Variants in GABRB3 observed in about 807,000 individuals in gnomAD.
The protein encoded by GABRB3 is gamma-aminobutyric acid type A receptor subunit beta3, also known as gamma-aminobutyric acid receptor subunit beta-3.
In GABRB3, 14 loss-of-function variants were observed where a neutral mutation model predicts 52.1. The ratio of observed to expected loss-of-function variants is 0.27; its 90% CI spans 0.18 to 0.42. The LOEUF is 0.42. GABRB3 is among the 10% of genes least tolerant of loss of function. The pLI is 1.00. For synonymous variants in GABRB3, 260 were observed against 232.3 expected (o/e 1.12, Z -1.08); for missense variants, 307 against 609.1 (o/e 0.50, Z 5.22).
intron 4 of GABRB3, among the ~76,000 whole-genome samples, chr15:26,601,387 G>A (rs939113423): frequency 1.6e-4 from 25 of 151,684 alleles, no homozygotes; most frequent in African/African-American, 5.8e-4. Context: ...TCCAGCCTGG[G>A]CGACACAGCG....
chr15:26,550,746 C>CTT (rs1213022074), intron 8 of GABRB3, among the ~76,000 whole-genome samples: 1 of 152,188 alleles, frequency 6.6e-6, no homozygotes, highest in African/African-American at 2.4e-5. Flanking sequence ...ATTGCCAATA[C>CTT]TTTAATTTCA....
At chr15:26,748,087 A>G (rs762947246) in intron 3 of GABRB3, among the ~76,000 whole-genome samples, 1 of 151,064 alleles carries the variant, frequency 6.6e-6, no homozygotes, top group African/African-American at 2.4e-5. Context: ...GTCATGGCAT[A>G]TAATTCCTCT....
chr15:26,688,964 A>G (rs999917114), intron 3 of GABRB3, among the ~76,000 whole-genome samples: 3 of 152,252 alleles, frequency 2.0e-5, no homozygotes, highest in African/African-American at 7.2e-5. Flanking sequence ...TAAAGCAGGA[A>G]TAACACTCCT....
At chr15:26,722,071 A>T (rs1889655858) in intron 3 of GABRB3, among the ~76,000 whole-genome samples, 1 of 152,138 alleles carries the variant, frequency 6.6e-6, no homozygotes, top group Non-Finnish European at 1.5e-5. Flanking sequence ...GCCCCAGTAG[A>T]TGCAGGTTCC....
chr15:26,662,287 T>C (rs966932625), intron 3 of GABRB3, among the ~76,000 whole-genome samples: 1 of 152,198 alleles, frequency 6.6e-6, no homozygotes, highest in Non-Finnish European at 1.5e-5. Context: ...CTTTCAAAGA[T>C]AGCTCTAAAA....
intron 4 of GABRB3, among the ~76,000 whole-genome samples, chr15:26,587,184 G>T (rs886982928): frequency 2.0e-5 from 3 of 152,026 alleles, no homozygotes; most frequent in Non-Finnish European, 2.9e-5. Context: ...CCTCTTCACA[G>T]AACCCATAAA....
chr15:26,567,455 A>T (rs1890220845), intron 7 of GABRB3, 126 bp downstream of exon 7: 1 of 833,520 alleles, frequency 1.2e-6, no homozygotes, highest in Non-Finnish European at 2.0e-6. Context: ...ATAAAAAGTG[A>T]CTATACAGGC....
At chr15:26,572,957 G>A (rs1890462634) in intron 6 of GABRB3, among the ~76,000 whole-genome samples, 1 of 152,128 alleles carries the variant, frequency 6.6e-6, no homozygotes, top group Admixed American at 6.5e-5. Context: ...ACAGCTCTGG[G>A]TCTCTAATCC....
intron 3 of GABRB3, among the ~76,000 whole-genome samples, chr15:26,622,856 T>C (rs1235691944): frequency 2.0e-5 from 3 of 152,102 alleles, no homozygotes; most frequent in African/African-American, 7.2e-5. Context: ...GTAAACAAAA[T>C]ACGTTTTTAA....
chr15:26,547,736 C>G lies in GABRB3; in HGVS notation c.*57G>C. 1 of 1,417,026 alleles carries G rather than the reference C, an allele frequency of 7.1e-7. No individual in the cohort carries two copies. The highest frequency in any genetic ancestry group is 1.0e-6 in the Non-Finnish European group (1 of 1,003,648). 87.8% of individuals were successfully genotyped at this position (1,417,026 alleles called of 1,614,324 possible). A position where few individuals can be genotyped will look rare whatever the true frequency, so the allele number is the denominator to read the frequency against. On this transcript the variant is annotated 3_prime_UTR_variant, in exon 9 of 9. Transcript: ENST00000311550. ...TGTACAGGTATAAAAACTTGACAGG[C>G]AGAGTAATATTTCACTCAGTGTTAA... is the stretch of plus-strand genomic sequence containing the variant.
intron 3 of GABRB3, among the ~76,000 whole-genome samples, chr15:26,661,031 G>A (rs142675989): frequency 3.0e-3 from 453 of 152,050 alleles, no homozygotes; most frequent in Non-Finnish European, 5.2e-3. Context: ...AGTGATCCTC[G>A]CGCTTTGGTC....
chr15:26,559,507 T>TA (rs11333500), intron 8 of GABRB3, among the ~76,000 whole-genome samples: 70 of 150,608 alleles, frequency 4.6e-4, no homozygotes, highest in African/African-American at 1.3e-3. Flanking sequence ...CAAGAAGAAT[T>TA]AAAAAAAAAA....
rs1022346534 is a variant in GABRB3 at position 26,545,949 on chromosome 15, T to C, written c.*1844A>G. 1 of 152,628 alleles carries C rather than the reference T, an allele frequency of 6.6e-6. No individual in the cohort carries two copies. The highest frequency in any genetic ancestry group is 1.5e-5 in the Non-Finnish European group (1 of 68,058). The allele number at this position is 152,628 out of a possible 1,614,324, so 9.5% of individuals were successfully genotyped here. A position where few individuals can be genotyped will look rare whatever the true frequency, so the allele number is the denominator to read the frequency against. On this transcript the variant is annotated 3_prime_UTR_variant, in exon 9 of 9. Transcript: ENST00000311550. ...ATGGTGGGTTTTGAACTGTTGCAGA[T>C]GCCCACAAATTAAAGGTTGTTACGG...
In GABRB3 at chr15:26,675,805, G is replaced by A. The variant is rs542881442; in HGVS notation, c.241-54271C>T. On this transcript the variant is annotated intron_variant, in intron 3 of 8. Coordinates refer to ENST00000311550, the MANE Select transcript of GABRB3 (RefSeq NM_000814.6). ...TTGTTTTTGCTAAAGACAGGCCAGG[G>A]TGATCAAACACCACCAGGCAGATGG... Among the ~76,000 whole-genome samples, 6 of 152,268 alleles carry A rather than the reference G, an allele frequency of 3.9e-5. No individual in the cohort carries two copies. In the South Asian group the frequency reaches 1.2e-3, roughly 32 times the overall value.
At chr15:26,738,632 C>G (rs945121301) in intron 3 of GABRB3, among the ~76,000 whole-genome samples, 7 of 152,150 alleles carry the variant, frequency 4.6e-5, no homozygotes, top group Admixed American at 3.3e-4. Context: ...CTGTTCACCC[C>G]CTTCTTTGTA....
chr15:26,544,002 T>C lies in GABRB3; in HGVS notation c.*3791A>G, dbSNP rs1428267645. ...TAGCTAGTGTCCTGGAAAAATTTAA[T>C]TCACCTGGGCAGTTCTTTGCCCCAA... On this transcript the variant is annotated 3_prime_UTR_variant, in exon 9 of 9. Transcript: ENST00000311550. 2 of 152,602 alleles carry C rather than the reference T, an allele frequency of 1.3e-5. No individual in the cohort carries two copies. The allele number at this position is 152,602 out of a possible 1,614,324, so 9.5% of individuals were successfully genotyped here.
chr15:26,577,896 C>T (rs923958045), intron 6 of GABRB3, among the ~76,000 whole-genome samples: 2 of 152,200 alleles, frequency 1.3e-5, no homozygotes, highest in Admixed American at 6.5e-5. Context: ...AAGCGATCCT[C>T]CCACTTCAGC....
At position 26,543,583 on chromosome 15, in the gene GABRB3, C is replaced by A. The variant is rs1889112294; in HGVS notation, c.*4210G>T. 1 of 152,494 alleles carries A rather than the reference C, an allele frequency of 6.6e-6. No individual in the cohort carries two copies. Among genetic ancestry groups the A allele is most frequent in the South Asian group, 2.1e-4 (1 of 4,828 alleles). 9.4% of individuals were successfully genotyped at this position (152,494 alleles called of 1,614,324 possible). ...ACTCCTTTTTTAATAAATTTGAATT[C>A]ATTCATCAACAAGTTTCATATTGTA... On this transcript the variant is annotated 3_prime_UTR_variant, in exon 9 of 9. Transcript: ENST00000311550.
intron 3 of GABRB3, among the ~76,000 whole-genome samples, chr15:26,630,999 G>A (rs923133066): frequency 6.6e-6 from 1 of 152,192 alleles, no homozygotes; most frequent in Admixed American, 6.5e-5. Context: ...AGAAGCCACG[G>A]TTCCTGGTGA....
Sources: gnomAD v4.1 joint callset for allele counts (sites outside exome capture counted in the v4.1 genomes callset) on GRCh38, gnomAD v4.1.1 for gene constraint, MANE v1.5 for transcripts, NCBI Gene and HGNC (gene_info 2026-07-23, HGNC 2026-07-21) for gene names.